ZNF554: variants seen among roughly 807,000 people sequenced by gnomAD.
ZNF554 encodes zinc finger protein 554.
In ZNF554, 15 loss-of-function variants were observed where a neutral mutation model predicts 21.2. The observed-to-expected ratio is 0.71, with a 90% CI of 0.47 to 1.09. The LOEUF (loss-of-function observed/expected upper bound fraction) is 1.09. Ranked by LOEUF, ZNF554 falls within the 50% of genes least tolerant of loss-of-function variation. The pLI, the probability that ZNF554 is intolerant of heterozygous loss-of-function variation, is 0.00. For missense variants in ZNF554, 691 were observed against 662.7 expected (o/e 1.04, Z -0.47); for synonymous variants, 258 against 251.4 (o/e 1.03, Z -0.25).
intron 3 of ZNF554, chr19:2,830,543 G>A (rs1413662733): frequency 2.6e-5 from 4 of 152,146 alleles, no homozygotes; most frequent in African/African-American, 7.2e-5. Flanking sequence ...TGGATCATGC[G>A]GTAATTCTAT....
intron 2 of ZNF554, 105 bp downstream of exon 2, chr19:2,823,217 T>C: frequency 8.8e-7 from 1 of 1,137,420 alleles, no homozygotes; most frequent in Non-Finnish European, 1.2e-6. Context: ...ATGTGAAAGT[T>C]CAGGAGAATT....
In ZNF554 at chr19:2,835,396, C is replaced by T. The variant is rs79667368; in HGVS notation, c.*544C>T. 28,600 of 150,286 alleles carry T rather than the reference C, an allele frequency of 0.19. 3,756 individuals are homozygous for T. Among genetic ancestry groups the T allele is most frequent in the East Asian group, 0.47 (2,373 of 5,080 alleles). The allele number at this position is 150,286 out of a possible 1,614,324, so 9.3% of individuals were successfully genotyped here. A position where few individuals can be genotyped will look rare whatever the true frequency, so the allele number is the denominator to read the frequency against. The stretch of plus-strand genomic sequence containing the variant: ...CTGAGGCAGGAGAATGGTGTGAACC[C>T]GGGAGGTGGAGCTTGCAGTGAGCCG... On this transcript the variant is annotated 3_prime_UTR_variant, in exon 5 of 5. Transcript: ENST00000317243.
rs919029077 is a variant in ZNF554 at position 2,819,925 on chromosome 19, C to T, written c.-147C>T. ...TGGTGGCGGCGGCTGCGGCGAGTTC[C>T]TGAGGGGCGCCTGCGGGGGGCGTCC... On this transcript the variant is annotated 5_prime_UTR_variant, in exon 1 of 5. Coordinates refer to ENST00000317243, the MANE Select transcript of ZNF554 (RefSeq NM_001102651.2). 21 of 534,044 alleles carry T rather than the reference C, an allele frequency of 3.9e-5. No individual in the cohort carries two copies. Among genetic ancestry groups the T allele is most frequent in the African/African-American group, 3.8e-4 (19 of 49,766 alleles). 33.1% of individuals were successfully genotyped at this position (534,044 alleles called of 1,614,324 possible). A position where few individuals can be genotyped will look rare whatever the true frequency, so the allele number is the denominator to read the frequency against.
At position 2,819,887 on chromosome 19, in the gene ZNF554, C is replaced by T. The variant is rs987999325; in HGVS notation, c.-185C>T. On this transcript the variant is annotated 5_prime_UTR_variant, in exon 1 of 5. Coordinates refer to ENST00000317243, the MANE Select transcript of ZNF554 (RefSeq NM_001102651.2). ...AGGCGCAGTGCCGAGTTTACCTCTG[C>T]GCGCGTCGGGGTTGGTGGCGGCGGC... The T allele has an allele frequency of 6.5e-5, 22 of 336,758 alleles. No homozygotes were observed. In the Admixed American group the frequency reaches 1.1e-3, roughly 17 times the overall value. The allele number at this position is 336,758 out of a possible 1,614,324, so 20.9% of individuals were successfully genotyped here. A position where few individuals can be genotyped will look rare whatever the true frequency, so the allele number is the denominator to read the frequency against.
chr19:2,833,534 T>A, intron 4 of ZNF554, 147 bp from the exon 5 acceptor site: 1 of 614,168 alleles, frequency 1.6e-6, no homozygotes, highest in Non-Finnish European at 2.6e-6. Flanking sequence ...CATCTCTCTT[T>A]TTCCCATCCT....
chr19:2,827,324 C>T (rs1359785886), intron 2 of ZNF554, among the ~76,000 whole-genome samples: 1 of 152,192 alleles, frequency 6.6e-6, no homozygotes, highest in Non-Finnish European at 1.5e-5. Context: ...ATGGGAATGT[C>T]AGGCTCAGAG....
At chr19:2,826,585 C>T (rs796414627) in intron 2 of ZNF554, among the ~76,000 whole-genome samples, 27 of 152,186 alleles carry the variant, frequency 1.8e-4, no homozygotes, top group African/African-American at 5.8e-4. Context: ...GCCCTAAACA[C>T]TCATCAGCCC....
Position 2,834,990 on chromosome 19 carries a change from G to A in ZNF554, c.*138G>A. The A allele has an allele frequency of 1.2e-6, 1 of 806,864 alleles. No individual in the cohort carries two copies. 50.0% of individuals were successfully genotyped at this position (806,864 alleles called of 1,614,324 possible). A position where few individuals can be genotyped will look rare whatever the true frequency, so the allele number is the denominator to read the frequency against. ...TCACCTTCTTATAAGAAAGCTCTGA[G>A]AATGGGCATTTTTGTATTTTGTTGT... On this transcript the variant is annotated 3_prime_UTR_variant, in exon 5 of 5. Coordinates refer to ENST00000317243, the MANE Select transcript of ZNF554 (RefSeq NM_001102651.2).
chr19:2,823,682 T>A (rs983922082), intron 2 of ZNF554, among the ~76,000 whole-genome samples: 1 of 152,120 alleles, frequency 6.6e-6, no homozygotes, highest in African/African-American at 2.4e-5. Context: ...TGCCGGCAGA[T>A]CATCTCTGCA....
chr19:2,834,950 GT>G lies in ZNF554; in HGVS notation c.*101del. ...TGATGGATAATTTGAAAAGAAGTGG[GT>G]TTATGTCACCTTCTCACCTTCTTAT... On this transcript the variant is annotated 3_prime_UTR_variant, in exon 5 of 5. Coordinates refer to ENST00000317243, the MANE Select transcript of ZNF554 (RefSeq NM_001102651.2). 8.8e-7 allele frequency: 1 copy of G among 1,131,722 alleles called. No homozygotes were observed. The highest frequency in any genetic ancestry group is 1.2e-6 in the Non-Finnish European group (1 of 803,076). The allele number at this position is 1,131,722 out of a possible 1,614,324, so 70.1% of individuals were successfully genotyped here. A position where few individuals can be genotyped will look rare whatever the true frequency, so the allele number is the denominator to read the frequency against.
intron 1 of ZNF554, 91 bp downstream of exon 1, chr19:2,820,215 G>A (rs1568330555): frequency 1.7e-6 from 2 of 1,143,240 alleles, no homozygotes; most frequent in Non-Finnish European, 2.2e-6. Flanking sequence ...GGTGGCCGGG[G>A]CATGACCCTG....
chr19:2,827,133 G>C (rs1182708314), intron 2 of ZNF554, among the ~76,000 whole-genome samples: 1 of 152,184 alleles, frequency 6.6e-6, no homozygotes, highest in East Asian at 1.9e-4. Context: ...CAAATGCTGT[G>C]ACTGATATTA....
rs749511341 is a variant in ZNF554, at chr19:2,833,856, C to G, written c.621C>G (p.His207Gln). Residue 207 changes from histidine (H) to glutamine (Q), a missense_variant, in exon 5 of 5, where the codon CAC becomes CAG. Transcript: ENST00000317243. The stretch of plus-strand genomic sequence containing the variant: ...TTTTGAGCCAAAAGGCATCCCTTCA[C>G]GTAGTGGCCGTTCCTCAGGAGAAGG... ...QGLLSQKASLHVVAVPQEKAT... is the reference protein window; with the variant it reads ...QGLLSQKASLQVVAVPQEKAT... 2 of 1,612,982 alleles carry G rather than the reference C, an allele frequency of 1.2e-6. No homozygotes were observed. Among genetic ancestry groups the G allele is most frequent in the Non-Finnish European group, 1.7e-6 (2 of 1,179,256 alleles).
rs147556024 is a variant in ZNF554 at position 2,822,895 on chromosome 19, T to C, written c.54-145T>C. ...TCTCTTAAAAAACACAAACCCTGGC[T>C]TCAGTCCTGGGTTCTGGCTTCAGTT... On this transcript the variant is annotated intron_variant, in intron 1 of 4. Coordinates refer to ENST00000317243, the MANE Select transcript of ZNF554 (RefSeq NM_001102651.2). 58 of 688,038 alleles carry C rather than the reference T, an allele frequency of 8.4e-5. 1 individual carries two copies. The East Asian group carries it at 1.5e-3, about 17-fold the overall frequency. The allele number at this position is 688,038 out of a possible 1,614,324, so 42.6% of individuals were successfully genotyped here.
Position 2,833,982 on chromosome 19 carries a change from A to C in ZNF554, c.747A>C (p.Leu249Phe), listed in dbSNP as rs952167266. The C allele has an allele frequency of 6.2e-7, 1 of 1,614,176 alleles. No individual in the cohort carries two copies. Among genetic ancestry groups the C allele is most frequent in the Non-Finnish European group, 8.5e-7 (1 of 1,180,050 alleles). The change falls in exon 5 of 5, where the codon TTA becomes TTC. Residue 249 changes from leucine (L) to phenylalanine (F), a missense_variant. Coordinates refer to ENST00000317243, the MANE Select transcript of ZNF554 (RefSeq NM_001102651.2). ...SKGNHLCGSE[L>F]DITSLASDSV... ...GGAACCACTTGTGTGGCAGCGAGTT[A>C]GATATTACAAGCTTGGCATCCGATT...
chr19:2,826,195 C>T (rs1246809092), intron 2 of ZNF554: 1 of 118,166 alleles, frequency 8.5e-6, no homozygotes, highest in African/African-American at 3.0e-5. Flanking sequence ...CCACCGTGCC[C>T]AGCCAGTAAC....
chr19:2,835,078 A>G lies in ZNF554; in HGVS notation c.*226A>G. On this transcript the variant is annotated 3_prime_UTR_variant, in exon 5 of 5. Coordinates refer to ENST00000317243, the MANE Select transcript of ZNF554 (RefSeq NM_001102651.2). Reference sequence around the variant, plus strand: ...CAGTGGCGTGATCATACCTCACTGCAGCTTCAACTTCCTGGGCTCAAGTAA... The same window carrying G: ...CAGTGGCGTGATCATACCTCACTGCGGCTTCAACTTCCTGGGCTCAAGTAA... The G allele has an allele frequency of 2.1e-6, 1 of 475,120 alleles. No homozygotes were observed. Among genetic ancestry groups the G allele is most frequent in the East Asian group, 3.6e-5 (1 of 28,148 alleles). 29.4% of individuals were successfully genotyped at this position (475,120 alleles called of 1,614,324 possible).
rs977340420 is a variant in ZNF554, at chr19:2,821,867, G to A, written c.54-1173G>A. Among the ~76,000 whole-genome samples the A allele has an allele frequency of 1.3e-5, 2 of 151,930 alleles. No individual in the cohort carries two copies. Among genetic ancestry groups the A allele is most frequent in the South Asian group, 2.1e-4 (1 of 4,818 alleles). On this transcript the variant is annotated intron_variant, in intron 1 of 4. Transcript: ENST00000317243. This position sits in a 1 kb window ranked among gnomAD's most constrained non-coding sequence, Gnocchi z 8.2. Reference sequence around the variant, plus strand: ...TTAGTAGAGACGGGGGTTTTGCCATGTTGGCCAGGCTGGTCTCGAACTCCT... The same window carrying A: ...TTAGTAGAGACGGGGGTTTTGCCATATTGGCCAGGCTGGTCTCGAACTCCT...
intron 3 of ZNF554, among the ~76,000 whole-genome samples, chr19:2,828,987 C>G (rs1173393650): frequency 3.3e-5 from 5 of 151,896 alleles, no homozygotes; most frequent in Non-Finnish European, 7.4e-5. Flanking sequence ...GGAGACAGCT[C>G]AACCATATCA....
Sources: allele counts gnomAD v4.1 joint callset (sites outside exome capture counted in the v4.1 genomes callset), GRCh38; gene constraint gnomAD v4.1.1; non-coding constraint Gnocchi (gnomAD v3.1); transcripts MANE v1.5; gene names NCBI Gene and HGNC (gene_info 2026-07-23, HGNC 2026-07-21).